ADAM2: variants seen among roughly 807,000 people sequenced by gnomAD.
The protein encoded by ADAM2 is ADAM metallopeptidase domain 2.
A neutral mutation model predicts 99.3 loss-of-function variants in ADAM2; 101 were observed. That is an observed-to-expected ratio of 1.02 (90% CI 0.87 to 1.20). The LOEUF is 1.20. Among genes scored for constraint, ADAM2 ranks in the 50% most tolerant of loss-of-function variants. The pLI, the probability that ADAM2 is intolerant of heterozygous loss-of-function variation, is 0.00. For missense variants in ADAM2, 948 were observed against 878.7 expected, an observed-to-expected ratio of 1.08 and a Z score of -1.00; for synonymous variants, 323 against 287.6, an observed-to-expected ratio of 1.12 and a Z score of -1.25.
intron 3 of ADAM2, among the ~76,000 whole-genome samples, chr8:39,826,277 A>T (rs1320309187): frequency 6.6e-6 from 1 of 152,238 alleles, no homozygotes; most frequent in Non-Finnish European, 1.5e-5. Flanking sequence ...TATAAGAGAA[A>T]TAAAACAACG....
chr8:39,814,649 T>C (rs1188736630), intron 6 of ADAM2, among the ~76,000 whole-genome samples: 2 of 152,040 alleles, frequency 1.3e-5, no homozygotes, highest in East Asian at 1.9e-4. Context: ...ATGTAGGTGA[T>C]TGATTTATCC....
At chr8:39,836,765 C>A (rs1805842648) in intron 2 of ADAM2, among the ~76,000 whole-genome samples, 1 of 152,152 alleles carries the variant, frequency 6.6e-6, no homozygotes, top group Non-Finnish European at 1.5e-5. Flanking sequence ...TTCAAGTGAT[C>A]ATCATCCCAT....
intron 14 of ADAM2, among the ~76,000 whole-genome samples, chr8:39,764,953 G>A (rs1045571426): frequency 6.6e-6 from 1 of 151,984 alleles, no homozygotes; most frequent in Non-Finnish European, 1.5e-5. Flanking sequence ...AACACGGGAG[G>A]TGAAGGTTGC....
intron 7 of ADAM2, among the ~76,000 whole-genome samples, chr8:39,803,575 G>A (rs1342130713): frequency 1.3e-5 from 2 of 152,170 alleles, no homozygotes; most frequent in Non-Finnish European, 2.9e-5. Context: ...CTTTTCTGCT[G>A]TGCCTGGAGC....
chr8:39,819,092 G>T (rs1049079354), intron 6 of ADAM2, among the ~76,000 whole-genome samples: 3 of 151,950 alleles, frequency 2.0e-5, no homozygotes, highest in African/African-American at 7.2e-5. Flanking sequence ...TGGAAAATAA[G>T]AATATTGAAG....
chr8:39,786,512 T>C (rs1311821450), intron 10 of ADAM2, among the ~76,000 whole-genome samples: 7 of 152,146 alleles, frequency 4.6e-5, no homozygotes, highest in Non-Finnish European at 1.0e-4. Flanking sequence ...CATTCTCTAC[T>C]AGATAATTAA....
At chr8:39,783,909 C>G (rs1359607590) in intron 10 of ADAM2, among the ~76,000 whole-genome samples, 1 of 151,600 alleles carries the variant, frequency 6.6e-6, no homozygotes, top group East Asian at 1.9e-4. Flanking sequence ...CGCGCCACCC[C>G]ATTCCAGCCT....
At chr8:39,762,692 GA>G (rs1305884076) in intron 14 of ADAM2, among the ~76,000 whole-genome samples, 5 of 152,100 alleles carry the variant, frequency 3.3e-5, no homozygotes, top group East Asian at 3.9e-4. Context: ...CCCTGAAAAA[GA>G]AAAAAATTCT....
At chr8:39,786,321 C>T (rs1262299622) in intron 10 of ADAM2, among the ~76,000 whole-genome samples, 1 of 152,090 alleles carries the variant, frequency 6.6e-6, no homozygotes, top group Non-Finnish European at 1.5e-5. Flanking sequence ...TTTTTATCTC[C>T]ATTTAATTGA....
chr8:39,787,850 C>T (rs573906991), intron 9 of ADAM2, among the ~76,000 whole-genome samples: 3 of 150,734 alleles, frequency 2.0e-5, no homozygotes, highest in Non-Finnish European at 3.0e-5. Flanking sequence ...TGGTATATAC[C>T]CTAGGGAAAG....
intron 12 of ADAM2, among the ~76,000 whole-genome samples, chr8:39,768,172 G>A (rs1477214651): frequency 2.0e-5 from 3 of 152,144 alleles, no homozygotes; most frequent in East Asian, 1.9e-4. Flanking sequence ...ATAACATTTC[G>A]AGAGCTTAGA....
At chr8:39,767,313 GT>G in intron 12 of ADAM2, 62 bp from the exon 13 acceptor site, 1 of 1,369,410 alleles carries the variant, frequency 7.3e-7, no homozygotes. Context: ...GGACAGGCAT[GT>G]TCATAAAGAC....
At chr8:39,830,958 T>C (rs572349001) in intron 3 of ADAM2, among the ~76,000 whole-genome samples, 14 of 152,062 alleles carry the variant, frequency 9.2e-5, no homozygotes, top group Non-Finnish European at 1.5e-5. Flanking sequence ...TCTCAGAGAG[T>C]TGACCTGCTC....
At chr8:39,796,081 TA>T (rs138257587) in intron 7 of ADAM2, among the ~76,000 whole-genome samples, 5,933 of 147,572 alleles carry the variant, frequency 0.04, 388 homozygotes, top group African/African-American at 0.14. Context: ...TTTCTTCTTC[TA>T]AAAAAAAAAC....
At chr8:39,771,075 G>C (rs185965307) in intron 11 of ADAM2, among the ~76,000 whole-genome samples, 1 of 152,150 alleles carries the variant, frequency 6.6e-6, no homozygotes, top group African/African-American at 2.4e-5. Flanking sequence ...AAATCAGTGC[G>C]ATGTATTCAC....
chr8:39,834,467 C>A (rs1265402674), intron 2 of ADAM2, among the ~76,000 whole-genome samples: 2 of 151,948 alleles, frequency 1.3e-5, no homozygotes, highest in East Asian at 3.9e-4. Context: ...TAAAGGAAAA[C>A]CTCACGCCTA....
rs139239584 is a variant in ADAM2, at chr8:39,744,469, C to G, written c.*30+361G>C. ...CCATCCTTAAAATATTTGGAACTCA[C>G]TCATGTCCTTTGCAGGGACATGGAT... On this transcript the variant is annotated intron_variant, in intron 20 of 20. Transcript: ENST00000265708. 4.2e-3 allele frequency among the ~76,000 whole-genome samples: 631 copies of G among 152,002 alleles called. 6 individuals are homozygous for G. Among genetic ancestry groups the G allele is most frequent in the African/African-American group, 0.015 (602 of 41,428 alleles).
chr8:39,821,825 A>G (rs1805200993), intron 4 of ADAM2, among the ~76,000 whole-genome samples, 163 bp from the exon 5 acceptor site: 1 of 152,164 alleles, frequency 6.6e-6, no homozygotes, highest in South Asian at 2.1e-4. Context: ...TGGTTTTCCA[A>G]AGTACTCCCC....
intron 12 of ADAM2, among the ~76,000 whole-genome samples, chr8:39,767,480 T>A (rs770514449): frequency 6.6e-6 from 1 of 152,218 alleles, no homozygotes; most frequent in African/African-American, 2.4e-5. Flanking sequence ...TTGGTTACAC[T>A]GATAAAAGGA....
Sources: allele counts gnomAD v4.1 joint callset (sites outside exome capture counted in the v4.1 genomes callset), GRCh38; gene constraint gnomAD v4.1.1; transcripts MANE v1.5; gene names NCBI Gene and HGNC (gene_info 2026-07-23, HGNC 2026-07-21).